Variants in WDR45B observed in about 807,000 individuals in gnomAD.
WDR45B encodes WD repeat domain 45B, also known as WD repeat domain phosphoinositide-interacting protein 3.
A neutral mutation model predicts 44.6 loss-of-function variants in WDR45B; 20 were observed. The ratio of observed to expected loss-of-function variants is 0.45; its 90% CI spans 0.32 to 0.65. The LOEUF (loss-of-function observed/expected upper bound fraction) is 0.65. WDR45B is among the 30% of genes least tolerant of loss of function. The pLI, the probability that WDR45B is intolerant of heterozygous loss-of-function variation, is 0.05. For synonymous variants in WDR45B, 169 were observed against 164.9 expected (o/e 1.02, Z -0.19); for missense variants, 323 against 430.2 (o/e 0.75, Z 2.20).
chr17:82,626,264 G>A lies in WDR45B; in HGVS notation c.333-781C>T, dbSNP rs1294343764. 6.0e-5 allele frequency among the ~76,000 whole-genome samples: 9 copies of A among 151,124 alleles called. No homozygotes were observed. In the East Asian group the frequency reaches 7.9e-4, roughly 13 times the overall value. On this transcript the variant is annotated intron_variant, in intron 4 of 9. Transcript: ENST00000392325. ...AAAAATGCAGGAAAGTTGGCCGGGC[G>A]CAGTGGCTCACACCTGTAATCCCAG...
chr17:82,633,244 G>A (rs1313009120), intron 2 of WDR45B, among the ~76,000 whole-genome samples: 1 of 150,886 alleles, frequency 6.6e-6, no homozygotes, highest in Non-Finnish European at 1.5e-5. Flanking sequence ...ACAATCAACA[G>A]AATGAAAACA....
intron 5 of WDR45B, among the ~76,000 whole-genome samples, chr17:82,624,300 C>T (rs1236174890): frequency 6.6e-6 from 1 of 152,226 alleles, no homozygotes; most frequent in Non-Finnish European, 1.5e-5. Context: ...CTCACTCTGT[C>T]GCCCAGGCGG....
chr17:82,622,748 A>T (rs1311661222), intron 5 of WDR45B, among the ~76,000 whole-genome samples: 2 of 152,012 alleles, frequency 1.3e-5, no homozygotes, highest in Non-Finnish European at 1.5e-5. Flanking sequence ...TAAAGTAAGA[A>T]GATTGCAAGA....
At chr17:82,618,259 C>T (rs2045566112) in intron 7 of WDR45B, among the ~76,000 whole-genome samples, 1 of 152,216 alleles carries the variant, frequency 6.6e-6, no homozygotes, top group Non-Finnish European at 1.5e-5. Flanking sequence ...CTCAAAGACC[C>T]AAATGCTGCT....
intron 1 of WDR45B, 96 bp downstream of exon 1, chr17:82,648,178 G>A (rs889329999): frequency 3.5e-6 from 5 of 1,418,508 alleles, no homozygotes; most frequent in Non-Finnish European, 3.8e-6. Flanking sequence ...TGGAAGGCCT[G>A]GCCGGAAAGG....
intron 2 of WDR45B, among the ~76,000 whole-genome samples, chr17:82,632,803 G>T (rs1242581320): frequency 1.3e-5 from 2 of 152,122 alleles, no homozygotes; most frequent in Non-Finnish European, 2.9e-5. Context: ...AGAGGTGGGA[G>T]GACTGCTTGA....
intron 7 of WDR45B, among the ~76,000 whole-genome samples, chr17:82,618,546 C>T (rs1428445334): frequency 6.6e-6 from 1 of 152,116 alleles, no homozygotes; most frequent in Non-Finnish European, 1.5e-5. Context: ...CCAAGCCCGC[C>T]AGCCAGGGCA....
At chr17:82,616,886 C>T (rs926858500) in intron 8 of WDR45B, among the ~76,000 whole-genome samples, 2 of 152,122 alleles carry the variant, frequency 1.3e-5, no homozygotes, top group Middle Eastern at 3.4e-3. Flanking sequence ...GGCGCAATCT[C>T]GGCTCACTGC....
intron 8 of WDR45B, 116 bp downstream of exon 8, chr17:82,617,180 A>T (rs972466087): frequency 1.1e-6 from 1 of 877,388 alleles, no homozygotes; most frequent in African/African-American, 1.7e-5. Flanking sequence ...CGCTGATAGC[A>T]TATGAGGTCT....
At chr17:82,630,690 T>C (rs954866918) in intron 3 of WDR45B, among the ~76,000 whole-genome samples, 1 of 152,244 alleles carries the variant, frequency 6.6e-6, no homozygotes, top group African/African-American at 2.4e-5. Flanking sequence ...TTCCGTTTAC[T>C]GACTGAAACG....
intron 1 of WDR45B, among the ~76,000 whole-genome samples, chr17:82,646,923 G>A (rs1568019921): frequency 6.6e-6 from 1 of 152,170 alleles, no homozygotes; most frequent in Non-Finnish European, 1.5e-5. Flanking sequence ...ATCACTGAGA[G>A]GGAGTTCTTT....
chr17:82,616,367 G>A lies in WDR45B; in HGVS notation c.928+157C>T, dbSNP rs117218707. 7.2e-3 allele frequency among the ~76,000 whole-genome samples: 1,100 copies of A among 152,340 alleles called. 5 individuals are homozygous for A. The highest frequency in any genetic ancestry group is 0.011 in the Non-Finnish European group (732 of 68,032). On this transcript the variant is annotated intron_variant, in intron 9 of 9. Transcript: ENST00000392325. Reference sequence around the variant, plus strand: ...CCAAATGGCCGTGCAGACCGTAAGCGGGACACACTGAGCCCACAGGAGAAA... The same window carrying A: ...CCAAATGGCCGTGCAGACCGTAAGCAGGACACACTGAGCCCACAGGAGAAA...
intron 2 of WDR45B, among the ~76,000 whole-genome samples, chr17:82,635,382 T>G (rs2045819408): frequency 6.6e-6 from 1 of 151,752 alleles, no homozygotes; most frequent in African/African-American, 2.4e-5. Flanking sequence ...CTTAGGCTTA[T>G]TAATAAAGTT....
rs200777817 is a variant in WDR45B, at chr17:82,648,307, C to T, written c.34G>A (p.Gly12Arg). Residue 12 changes from glycine to arginine, a missense_variant, in exon 1 of 10, where the codon GGG becomes AGG. Physicochemically the swap from Gly to Arg is moderately radical, Grantham distance 125. Coordinates refer to ENST00000392325, the MANE Select transcript of WDR45B (RefSeq NM_019613.4). ...TGGTTGAAGCCGGCGTAGAGCAGCC[C>T]GTTGCCGTGAGGGTTACACGGCAGG... Reference protein sequence around the residue: ...NLLPCNPHGNGLLYAGFNQDH... With the variant: ...NLLPCNPHGNRLLYAGFNQDH... The T allele has an allele frequency of 5.6e-6, 9 of 1,606,916 alleles. No individual in the cohort carries two copies. Among genetic ancestry groups the T allele is most frequent in the African/African-American group, 1.3e-5 (1 of 74,272 alleles).
chr17:82,643,905 G>T, intron 2 of WDR45B, 44 bp downstream of exon 2: 16 of 1,594,512 alleles, frequency 1.0e-5, no homozygotes, highest in Non-Finnish European at 1.4e-5. Context: ...AGACTCCGAG[G>T]GTTGGAAAGG....
chr17:82,623,401 A>C (rs937615874), intron 5 of WDR45B, among the ~76,000 whole-genome samples: 8 of 147,668 alleles, frequency 5.4e-5, no homozygotes, highest in African/African-American at 1.7e-4. Flanking sequence ...AAAAAAAAAA[A>C]AACAAACAAA....
intron 2 of WDR45B, among the ~76,000 whole-genome samples, chr17:82,635,559 G>A (rs371491083): frequency 6.6e-6 from 1 of 151,302 alleles, no homozygotes; most frequent in African/African-American, 2.4e-5. Context: ...CCAAGTAGCT[G>A]GGATTACAGG....
Position 82,629,834 on chromosome 17 carries a change from C to T in WDR45B, c.244+1087G>A, listed in dbSNP as rs542169626. 9.8e-4 allele frequency: 970 copies of T among 985,306 alleles called. 12 individuals carry two copies. The South Asian group carries it at 0.02, about 21-fold the overall frequency. 61.0% of individuals were successfully genotyped at this position (985,306 alleles called of 1,614,324 possible). Reference sequence around the variant, plus strand: ...CTGATCTGACCTGGGCTATTCTATTCCTAAGTACGTGATATCACCCAGATC... The same window carrying T: ...CTGATCTGACCTGGGCTATTCTATTTCTAAGTACGTGATATCACCCAGATC... On this transcript the variant is annotated intron_variant, in intron 3 of 9. Transcript: ENST00000392325.
In WDR45B at chr17:82,623,702, T is replaced by TAA. The variant is rs34801109; in HGVS notation, c.427+1685_427+1686dup. Among the ~76,000 whole-genome samples the TAA allele has an allele frequency of 1.4e-3, 180 of 131,564 alleles. 1 individual carries two copies. Among genetic ancestry groups the TAA allele is most frequent in the African/African-American group, 2.4e-3 (85 of 34,892 alleles). 86.3% of individuals were successfully genotyped at this position (131,564 alleles called of 152,430 possible). ...AACAGAGGAAGACCCCATCTCATAT[T>TAA]AAAAAAAAAAAAAAAAAATTCTTAC... On this transcript the variant is annotated intron_variant, in intron 5 of 9. Transcript: ENST00000392325.
Sources: allele counts gnomAD v4.1 joint callset (sites outside exome capture counted in the v4.1 genomes callset), GRCh38; gene constraint gnomAD v4.1.1; transcripts MANE v1.5; gene names NCBI Gene and HGNC (gene_info 2026-07-23, HGNC 2026-07-21).